Variants in DNAH6 observed in about 807,000 individuals in gnomAD.
DNAH6 encodes the protein dynein axonemal heavy chain 6.
DNAH6 carries 340 observed loss-of-function variants against 491.4 expected under a neutral mutation model. That is an observed-to-expected ratio of 0.69 (90% CI 0.63 to 0.76). The LOEUF (loss-of-function observed/expected upper bound fraction) is 0.76, where lower values mean the gene tolerates loss of function less well. Ranked by LOEUF, DNAH6 falls within the 30% of genes least tolerant of loss-of-function variation. The pLI, the probability that DNAH6 is intolerant of heterozygous loss-of-function variation, is 0.00. For synonymous variants in DNAH6, 1,603 were observed against 1,686.1 expected (o/e 0.95, Z 1.21); for missense variants, 4,443 against 4,972.2 (o/e 0.89, Z 3.20).
At chr2:84,677,477 C>T (rs1310429072) in intron 41 of DNAH6, among the ~76,000 whole-genome samples, 4 of 152,194 alleles carry the variant, frequency 2.6e-5, no homozygotes, top group Admixed American at 6.5e-5. Flanking sequence ...CCTTTGTGCT[C>T]ATCTTATCCC....
At chr2:84,505,182 G>T in the DNAH6 span, among the ~76,000 whole-genome samples, 1 of 152,080 alleles carries the variant, frequency 6.6e-6, no homozygotes, top group Non-Finnish European at 1.5e-5. Context: ...GAATACAACT[G>T]ATTTTTGTGG....
chr2:84,550,669 G>T (rs1679250276), intron 9 of DNAH6, among the ~76,000 whole-genome samples: 1 of 152,066 alleles, frequency 6.6e-6, no homozygotes, highest in Non-Finnish European at 1.5e-5. Context: ...TATTTCTTAA[G>T]TATCTACTGT....
intron 22 of DNAH6, 151 bp from the exon 23 acceptor site, chr2:84,616,735 G>T: frequency 4.3e-6 from 2 of 463,346 alleles, no homozygotes; most frequent in Non-Finnish European, 3.8e-6. Flanking sequence ...TTTAGGTTTG[G>T]ATAATTCAAA....
At chr2:84,505,461 G>A in the DNAH6 span, among the ~76,000 whole-genome samples, 1 of 152,134 alleles carries the variant, frequency 6.6e-6, no homozygotes, top group East Asian at 1.9e-4. Flanking sequence ...CTTTCAGCAT[G>A]GAGTATGATG....
intron 67 of DNAH6, 41 bp downstream of exon 67, chr2:84,785,797 A>G (rs1042668060): frequency 7.0e-7 from 1 of 1,429,500 alleles, no homozygotes; most frequent in Non-Finnish European, 9.2e-7. Context: ...AAGGAAGTGT[A>G]TTATGAAATA....
intron 65 of DNAH6, among the ~76,000 whole-genome samples, chr2:84,784,340 G>T (rs958108120): frequency 1.3e-5 from 2 of 152,084 alleles, no homozygotes; most frequent in African/African-American, 4.8e-5. Flanking sequence ...TGCAACTTGT[G>T]TTAAATTGAA....
rs896325787 is a variant in DNAH6 at position 84,710,271 on chromosome 2, G to A, written c.9253-16G>A. On this transcript the variant is annotated splice_polypyrimidine_tract_variant and intron_variant, in intron 55 of 76. Coordinates refer to ENST00000389394, the MANE Select transcript of DNAH6 (RefSeq NM_001370.2). ...TGCTCTGAAGCAAATGTTCTGCTCT[G>A]TGCTTTTCCAAACAGGCAAACCGTT... 15 of 1,551,198 alleles carry A rather than the reference G, an allele frequency of 9.7e-6. No individual in the cohort carries two copies. The highest frequency in any genetic ancestry group is 1.4e-5 in the African/African-American group (1 of 73,152).
the DNAH6 span, among the ~76,000 whole-genome samples, chr2:84,466,909 G>A: frequency 6.6e-6 from 1 of 152,170 alleles, no homozygotes; most frequent in Non-Finnish European, 1.5e-5. Flanking sequence ...TACTGATAAT[G>A]TACACTAAGT....
At chr2:84,792,661 A>G (rs553247720) in intron 68 of DNAH6, among the ~76,000 whole-genome samples, 2 of 152,336 alleles carry the variant, frequency 1.3e-5, no homozygotes, top group East Asian at 1.9e-4. Context: ...TGTGTCTTCA[A>G]CAACACTAAA....
intron 60 of DNAH6, among the ~76,000 whole-genome samples, chr2:84,724,796 C>T (rs1398791557): frequency 6.6e-6 from 1 of 152,186 alleles, no homozygotes; most frequent in African/African-American, 2.4e-5. Context: ...AGTAAACGTT[C>T]AAAGAAACCA....
In DNAH6 at chr2:84,703,482, G is replaced by C. The variant is rs1217381038; in HGVS notation, c.8149G>C (p.Glu2717Gln). The C allele has an allele frequency of 6.4e-7, 1 of 1,551,242 alleles. No homozygotes were observed. The highest frequency in any genetic ancestry group is 2.4e-5 in the East Asian group (1 of 40,918). Reference sequence around the variant, plus strand: ...AATGAAACTAGATCTTTCAGCTTTAGAGCCTGTACTTTTAGCAAAATCAGA... The same window carrying C: ...AATGAAACTAGATCTTTCAGCTTTACAGCCTGTACTTTTAGCAAAATCAGA... ...DKMKLDLSAL[E>Q]PVLLAKSEDV... is the part of the protein sequence containing the mutation. Residue 2717 changes from glutamate (E) to glutamine (Q), a missense_variant, in exon 50 of 77, where the codon GAG (glutamate) becomes CAG (glutamine). This residue lies in a region of DNAH6 where 2,977 missense variants were observed against 3,296.6 expected (regional missense o/e 0.90). Transcript: ENST00000389394.
intron 65 of DNAH6, among the ~76,000 whole-genome samples, chr2:84,781,888 C>G (rs1676734489): frequency 6.6e-6 from 1 of 152,104 alleles, no homozygotes; most frequent in South Asian, 2.1e-4. Flanking sequence ...TTCTTATTGC[C>G]TTCTATGAGA....
At chr2:84,817,687 AG>A in intron 76 of DNAH6, among the ~76,000 whole-genome samples, 1 of 152,242 alleles carries the variant, frequency 6.6e-6, no homozygotes, top group Non-Finnish European at 1.5e-5. Context: ...TTTAAAGAAA[AG>A]TTTATTTGGC....
intron 35 of DNAH6, among the ~76,000 whole-genome samples, 181 bp from the exon 36 acceptor site, chr2:84,658,111 T>G (rs1018311329): frequency 3.3e-5 from 5 of 152,056 alleles, no homozygotes; most frequent in African/African-American, 4.8e-5. Context: ...CCCCCATGTA[T>G]CCCTTCCCAG....
rs748229421 is a variant in DNAH6 at position 84,640,474 on chromosome 2, A to G, written c.4866A>G (p.Ala1622=). Residue 1622 remains alanine, a synonymous_variant, in exon 32 of 77, where the codon GCA becomes GCG. Transcript: ENST00000389394. ...GATTTGAATCCAGTAAAATATTAGC[A>G]AGAAAAATGACTCAGATGTATAAGC... The part of the protein sequence containing the change: ...SEGFESSKIL[A]RKMTQMYKLC... 1.9e-6 allele frequency: 3 copies of G among 1,545,154 alleles called. No homozygotes were observed. Among genetic ancestry groups the G allele is most frequent in the Non-Finnish European group, 2.6e-6 (3 of 1,141,172 alleles).
chr2:84,582,513 G>A (rs1683129382), intron 14 of DNAH6, among the ~76,000 whole-genome samples: 2 of 152,140 alleles, frequency 1.3e-5, no homozygotes. Context: ...GTGCAGTGGC[G>A]CCATCTCAGC....
the DNAH6 span, among the ~76,000 whole-genome samples, chr2:84,505,609 G>T: frequency 6.6e-6 from 1 of 151,986 alleles, no homozygotes; most frequent in African/African-American, 2.4e-5. Context: ...TGCACAACAT[G>T]CAGGTTAGTT....
intron 10 of DNAH6, among the ~76,000 whole-genome samples, chr2:84,554,270 C>A (rs565852202): frequency 1.3e-5 from 2 of 152,278 alleles, no homozygotes; most frequent in Non-Finnish European, 1.5e-5. Context: ...CCTGCAATAT[C>A]CCCCTACCTT....
chr2:84,667,507 T>C (rs1222312888), intron 37 of DNAH6, among the ~76,000 whole-genome samples: 6 of 152,148 alleles, frequency 3.9e-5, no homozygotes, highest in Non-Finnish European at 7.4e-5. Flanking sequence ...AAAATGGTCA[T>C]CATCACTGGC....
Sources: allele counts gnomAD v4.1 joint callset (sites outside exome capture counted in the v4.1 genomes callset), GRCh38; gene constraint gnomAD v4.1.1; regional missense constraint gnomAD v4.1.1; transcripts MANE v1.5; gene names NCBI Gene and HGNC (gene_info 2026-07-23, HGNC 2026-07-21).